Variants in OR2C1 observed in about 807,000 individuals in gnomAD.
OR2C1 encodes the protein olfactory receptor family 2 subfamily C member 1.
For missense variants in OR2C1, 468 were observed against 388.3 expected (o/e 1.21, Z -1.73); for synonymous variants, 209 against 167.3 (o/e 1.25, Z -1.92).
At chr16:3,339,441 C>G in the OR2C1 span, among the ~76,000 whole-genome samples, 2 of 152,014 alleles carry the variant, frequency 1.3e-5, no homozygotes, top group Non-Finnish European at 1.5e-5. Context: ...AAACTGTTTT[C>G]TACAGTGGCT....
the OR2C1 span, among the ~76,000 whole-genome samples, chr16:3,345,895 G>A: frequency 8.3e-6 from 1 of 120,632 alleles, no homozygotes; most frequent in Non-Finnish European, 1.6e-5. Context: ...GTGCAGTTGT[G>A]TGACCATGGC....
At chr16:3,351,226 C>CT (rs146153498), upstream of OR2C1, among the ~76,000 whole-genome samples, 315 of 13,262 alleles carry the variant, frequency 0.024, 9 homozygotes, top group Non-Finnish European at 0.055. Flanking sequence ...TTTTCTTTTT[C>CT]TTTTTTTTTT....
At chr16:3,339,024 CCA>C in the OR2C1 span, among the ~76,000 whole-genome samples, 1 of 152,162 alleles carries the variant, frequency 6.6e-6, no homozygotes, top group South Asian at 2.1e-4. Context: ...TTTCCCCTCC[CCA>C]CAGTCCTTGG....
chr16:3,332,238 A>T, the OR2C1 span, among the ~76,000 whole-genome samples: 5 of 152,050 alleles, frequency 3.3e-5, no homozygotes, highest in East Asian at 5.8e-4. Context: ...ATAATCAATT[A>T]AAAAAATAAA....
chr16:3,323,230 A>G, the OR2C1 span: 11 of 761,560 alleles, frequency 1.4e-5, no homozygotes, highest in South Asian at 1.5e-4. Flanking sequence ...TCACCCCAAT[A>G]GCCAGATGTG....
At chr16:3,340,142 G>A in the OR2C1 span, among the ~76,000 whole-genome samples, 1 of 152,060 alleles carries the variant, frequency 6.6e-6, no homozygotes, top group African/African-American at 2.4e-5. Flanking sequence ...AGCCAGGCAT[G>A]GTGGCAGGCA....
rs766158930 is a variant in OR2C1, at chr16:3,356,889, C to G, written c.*10C>G. ...AAGAGAAGTTGGCTGAGAGAACACT[C>G]CTTCGTTATTTATTGCGTCTTCATC... is the stretch of plus-strand genomic sequence containing the variant. On this transcript the variant is annotated 3_prime_UTR_variant, in exon 1 of 1. Coordinates refer to ENST00000304936, the MANE Select transcript of OR2C1 (RefSeq NM_012368.3). 1.4e-5 allele frequency: 22 copies of G among 1,547,904 alleles called. No homozygotes were observed. Among genetic ancestry groups the G allele is most frequent in the Admixed American group, 2.0e-5 (1 of 50,678 alleles).
chr16:3,326,346 A>G, the OR2C1 span, among the ~76,000 whole-genome samples: 1 of 152,114 alleles, frequency 6.6e-6, no homozygotes, highest in Non-Finnish European at 1.5e-5. Context: ...AATGAAGCAC[A>G]TTACCCTCTC....
chr16:3,339,849 T>C, the OR2C1 span, among the ~76,000 whole-genome samples: 3 of 152,344 alleles, frequency 2.0e-5, no homozygotes, highest in East Asian at 1.9e-4. Context: ...AGCCATTTAA[T>C]GATTGTGAAG....
At chr16:3,354,997 T>G (rs1470948990), upstream of OR2C1, among the ~76,000 whole-genome samples, 1 of 152,106 alleles carries the variant, frequency 6.6e-6, no homozygotes, top group Non-Finnish European at 1.5e-5. Context: ...ACTCTCTCTA[T>G]CCCGTCATAG....
the OR2C1 span, among the ~76,000 whole-genome samples, chr16:3,346,000 AT>A: frequency 6.6e-6 from 1 of 151,910 alleles, no homozygotes; most frequent in Admixed American, 6.6e-5. Context: ...CGTCTAACTA[AT>A]TTTTAAAATT....
At chr16:3,353,000 C>A (rs2030598396), upstream of OR2C1, among the ~76,000 whole-genome samples, 1 of 151,546 alleles carries the variant, frequency 6.6e-6, no homozygotes, top group Admixed American at 6.6e-5. Flanking sequence ...GCCTCGGCCT[C>A]CCAAAGTGTT....
chr16:3,356,154 G>A lies in OR2C1; in HGVS notation c.214G>A (p.Ala72Thr). ...CAGCAACCTCTCCTCCTTGGACCTT[G>A]CTTTCGCTACTAGTTCAGTCCCCCA... ...FLSNLSSLDLAFATSSVPQML... is the reference protein window; with the variant it reads ...FLSNLSSLDLTFATSSVPQML... The change falls in exon 1 of 1, where the codon GCT becomes ACT. Residue 72 changes from alanine to threonine, a missense_variant. Transcript: ENST00000304936. 1 of 1,614,168 alleles carries A rather than the reference G, an allele frequency of 6.2e-7. No individual in the cohort carries two copies. The highest frequency in any genetic ancestry group is 1.1e-5 in the South Asian group (1 of 91,082).
chr16:3,323,401 C>T, the OR2C1 span: 1 of 808,344 alleles, frequency 1.2e-6, no homozygotes. Flanking sequence ...TCCCCAGGTG[C>T]TCCTCAATCA....
In OR2C1 at chr16:3,356,393, T is replaced by A. The variant is rs761617073; in HGVS notation, c.453T>A (p.Gly151=). The A allele has an allele frequency of 6.2e-7, 1 of 1,613,666 alleles. No homozygotes were observed. The highest frequency in any genetic ancestry group is 2.2e-5 in the East Asian group (1 of 44,878). Residue 151 remains glycine (G), a synonymous_variant, in exon 1 of 1, where the codon GGT becomes GGA. Coordinates refer to ENST00000304936, the MANE Select transcript of OR2C1 (RefSeq NM_012368.3). Reference sequence around the variant, plus strand: ...TGCTGGCTGTGATTGCCTGCCTGGGTGGCTTGGGCAACTCTGTGATCCAGT... The same window carrying A: ...TGCTGGCTGTGATTGCCTGCCTGGGAGGCTTGGGCAACTCTGTGATCCAGT... The part of the protein sequence containing the change: ...CWLLAVIACL[G]GLGNSVIQST...
the OR2C1 span, among the ~76,000 whole-genome samples, chr16:3,326,718 A>G: frequency 6.6e-6 from 1 of 152,208 alleles, no homozygotes; most frequent in African/African-American, 2.4e-5. Flanking sequence ...ATATGGCCTT[A>G]AGCTGGTCCT....
the OR2C1 span, among the ~76,000 whole-genome samples, chr16:3,349,310 C>T: frequency 6.6e-6 from 1 of 152,206 alleles, no homozygotes; most frequent in South Asian, 2.1e-4. Flanking sequence ...ACAGCTTTTT[C>T]CTGTGTTCCG....
At chr16:3,353,759 C>G (rs897295238), upstream of OR2C1, among the ~76,000 whole-genome samples, 10 of 151,826 alleles carry the variant, frequency 6.6e-5, no homozygotes, top group Non-Finnish European at 1.5e-4. Context: ...TGAGATCACG[C>G]CACTGCACTC....
chr16:3,327,346 T>G, the OR2C1 span, among the ~76,000 whole-genome samples: 4 of 152,136 alleles, frequency 2.6e-5, no homozygotes, highest in East Asian at 1.9e-4. Context: ...TTGTAAGAGA[T>G]AATTCTTGAC....
Sources: gnomAD v4.1 joint callset for allele counts (sites outside exome capture counted in the v4.1 genomes callset) on GRCh38, gnomAD v4.1.1 for gene constraint, MANE v1.5 for transcripts, NCBI Gene and HGNC (gene_info 2026-07-23, HGNC 2026-07-21) for gene names.